The following FNBP1L variants were observed in gnomAD, a reference collection of about 807,000 sequenced individuals.
FNBP1L encodes formin binding protein 1 like, also known as formin-binding protein 1-like.
A neutral mutation model predicts 91.2 loss-of-function variants in FNBP1L; 36 were observed. That is an observed-to-expected ratio of 0.39 (90% confidence interval 0.30 to 0.52). FNBP1L has a LOEUF of 0.52. FNBP1L is among the 20% of genes least tolerant of loss of function. The probability of loss-of-function intolerance (pLI) is 0.66; values close to 1 mark genes in which losing one functional copy is unlikely to be tolerated. For missense variants in FNBP1L, 571 were observed against 732.1 expected (o/e 0.78, Z 2.54); for synonymous variants, 242 against 237.0 (o/e 1.02, Z -0.19).
At chr1:93,545,668 A>C (rs908434403) in intron 12 of FNBP1L, among the ~76,000 whole-genome samples, 1 of 152,132 alleles carries the variant, frequency 6.6e-6, no homozygotes, top group African/African-American at 2.4e-5. Flanking sequence ...AAGAGTAAAT[A>C]GTATAGGAAA....
intron 5 of FNBP1L, among the ~76,000 whole-genome samples, chr1:93,525,599 C>T (rs1014146133): frequency 6.6e-6 from 1 of 152,114 alleles, no homozygotes; most frequent in Non-Finnish European, 1.5e-5. Context: ...ATTCATGAGT[C>T]ATTGGTTCCT....
intron 7 of FNBP1L, among the ~76,000 whole-genome samples, chr1:93,532,054 C>T (rs553469566): frequency 5.3e-5 from 8 of 152,258 alleles, no homozygotes; most frequent in Non-Finnish European, 1.0e-4. Flanking sequence ...TTTTTCCTCA[C>T]GTATCCCCAG....
At chr1:93,510,649 A>G (rs1400760771) in intron 2 of FNBP1L, among the ~76,000 whole-genome samples, 1 of 152,200 alleles carries the variant, frequency 6.6e-6, no homozygotes, top group Non-Finnish European at 1.5e-5. Context: ...AGATGATGAA[A>G]TTACTCCAAG....
intron 2 of FNBP1L, among the ~76,000 whole-genome samples, chr1:93,518,027 T>C (rs765771672): frequency 4.6e-5 from 7 of 152,202 alleles, no homozygotes; most frequent in Non-Finnish European, 5.9e-5. Context: ...GGATGACAAA[T>C]GGTAATGTCA....
chr1:93,459,942 TGTGTGTGTG>T (rs994182193), intron 1 of FNBP1L, among the ~76,000 whole-genome samples: 8 of 1,508 alleles, frequency 5.3e-3, no homozygotes, highest in African/African-American at 9.8e-3. Flanking sequence ...GGATTTCAGA[TGTGTGTGTG>T]TGTGTGTGTG....
intron 11 of FNBP1L, among the ~76,000 whole-genome samples, chr1:93,543,618 AT>A (rs1272297875): frequency 6.6e-6 from 1 of 152,168 alleles, no homozygotes; most frequent in Non-Finnish European, 1.5e-5. Flanking sequence ...AAGTTTCTTA[AT>A]TATATTCATA....
intron 11 of FNBP1L, among the ~76,000 whole-genome samples, chr1:93,543,242 A>C (rs1047529549): frequency 2.6e-5 from 4 of 152,166 alleles, no homozygotes; most frequent in African/African-American, 9.6e-5. Flanking sequence ...TCTGTAATAT[A>C]AGTAACAGTG....
intron 7 of FNBP1L, among the ~76,000 whole-genome samples, chr1:93,531,101 A>G (rs1028962441): frequency 1.3e-5 from 2 of 152,216 alleles, no homozygotes; most frequent in Non-Finnish European, 2.9e-5. Context: ...ACAGTTTACT[A>G]AAACAATGAC....
At chr1:93,470,653 AC>A (rs1317215517) in intron 1 of FNBP1L, among the ~76,000 whole-genome samples, 2 of 151,950 alleles carry the variant, frequency 1.3e-5, no homozygotes, top group Non-Finnish European at 2.9e-5. Context: ...CGGGCGAATC[AC>A]CTGAGGTCAG....
At chr1:93,470,087 T>C (rs1669234260) in intron 1 of FNBP1L, among the ~76,000 whole-genome samples, 2 of 152,200 alleles carry the variant, frequency 1.3e-5, no homozygotes, top group South Asian at 4.1e-4. Context: ...TGGCATTAAT[T>C]TAAGAAACTT....
At chr1:93,547,118 A>G in intron 13 of FNBP1L, 144 bp downstream of exon 13, 1 of 1,062,900 alleles carries the variant, frequency 9.4e-7, no homozygotes, top group Non-Finnish European at 1.4e-6. Flanking sequence ...GATGTGTGTT[A>G]TTTAATCTCA....
chr1:93,474,963 C>G (rs1340096654), intron 1 of FNBP1L, among the ~76,000 whole-genome samples: 1 of 152,124 alleles, frequency 6.6e-6, no homozygotes, highest in African/African-American at 2.4e-5. Flanking sequence ...AAAGTGATAA[C>G]AGTAGCACTG....
At chr1:93,482,762 G>A (rs1669754187) in intron 1 of FNBP1L, among the ~76,000 whole-genome samples, 1 of 152,214 alleles carries the variant, frequency 6.6e-6, no homozygotes, top group African/African-American at 2.4e-5. Context: ...GCTCACGCCT[G>A]TAATCCCAGC....
chr1:93,540,610 T>A (rs1442341806), intron 10 of FNBP1L, among the ~76,000 whole-genome samples: 1 of 152,130 alleles, frequency 6.6e-6, no homozygotes, highest in Non-Finnish European at 1.5e-5. Context: ...TTTAACACAC[T>A]GGAAAGAACA....
intron 1 of FNBP1L, among the ~76,000 whole-genome samples, chr1:93,499,120 C>T (rs915223684): frequency 1.3e-5 from 2 of 152,036 alleles, no homozygotes; most frequent in Non-Finnish European, 1.5e-5. Context: ...TGGAGAAAGT[C>T]TGAGAGTTTA....
intron 2 of FNBP1L, 78 bp from the exon 3 acceptor site, chr1:93,522,004 A>G: frequency 1.2e-6 from 1 of 851,106 alleles, no homozygotes; most frequent in Non-Finnish European, 1.7e-6. Flanking sequence ...TGATTGAATG[A>G]AATTGAAAAC....
intron 1 of FNBP1L, among the ~76,000 whole-genome samples, chr1:93,469,952 G>T (rs1669228800): frequency 6.6e-6 from 1 of 152,134 alleles, no homozygotes; most frequent in African/African-American, 2.4e-5. Flanking sequence ...AACAGAGTGA[G>T]ACTCTGACTC....
At chr1:93,532,190 C>T (rs574393952) in intron 7 of FNBP1L, among the ~76,000 whole-genome samples, 3 of 150,772 alleles carry the variant, frequency 2.0e-5, no homozygotes, top group Non-Finnish European at 4.5e-5. Flanking sequence ...CAGACTTGGC[C>T]GGGGGCAGTG....
rs1212712717 is a variant in FNBP1L, at chr1:93,469,864, T to A, written c.24+21559T>A. ...GGTGGTGCACACTTGTCGTTCCAGC[T>A]ACTTGGGATCACTTGAGCCTGGGAA... On this transcript the variant is annotated intron_variant, in intron 1 of 16. Transcript: ENST00000271234. 2.6e-5 allele frequency among the ~76,000 whole-genome samples: 4 copies of A among 152,250 alleles called. No homozygotes were observed. The East Asian group carries it at 7.7e-4, about 29-fold the overall frequency.
Sources: gnomAD v4.1 joint callset for allele counts (sites outside exome capture counted in the v4.1 genomes callset) on GRCh38, gnomAD v4.1.1 for gene constraint, MANE v1.5 for transcripts, NCBI Gene and HGNC (gene_info 2026-07-23, HGNC 2026-07-21) for gene names.